The following ROBO1 variants were observed in gnomAD, a reference collection of about 807,000 sequenced individuals.
ROBO1 encodes roundabout homolog 1.
A neutral mutation model predicts 195.9 loss-of-function variants in ROBO1; 149 were observed. The observed-to-expected ratio is 0.76, with a 90% confidence interval of 0.67 to 0.87. The LOEUF (loss-of-function observed/expected upper bound fraction) is 0.87. ROBO1 is among the 40% of genes least tolerant of loss of function. The pLI is 0.00. For missense variants in ROBO1, 1,933 were observed against 2,068.3 expected (o/e 0.93, Z 1.27); for synonymous variants, 816 against 733.2 (o/e 1.11, Z -1.82).
At chr3:78,938,239 A>C in intron 4 of ROBO1, 1 of 237,748 alleles carries the variant, frequency 4.2e-6, no homozygotes. Context: ...GGCTCAAGCA[A>C]TTCTCTTGCC....
chr3:78,646,247 G>A (rs1478945429), intron 20 of ROBO1, 57 bp from the exon 21 acceptor site: 2 of 1,474,922 alleles, frequency 1.4e-6, no homozygotes, highest in African/African-American at 2.8e-5. Context: ...TATATCAAAA[G>A]CTATTACATT....
At chr3:78,944,114 G>A (rs572865281) in intron 3 of ROBO1, among the ~76,000 whole-genome samples, 1 of 152,292 alleles carries the variant, frequency 6.6e-6, no homozygotes, top group African/African-American at 2.4e-5. Flanking sequence ...TTATATCTGT[G>A]TCCATATGGG....
At position 78,756,884 on chromosome 3, in the gene ROBO1, AT is replaced by A. The variant is rs947673616; in HGVS notation, c.500-9985del. Among the ~76,000 whole-genome samples the A allele has an allele frequency of 6.6e-4, 100 of 151,922 alleles. 2 individuals are homozygous for A. Among genetic ancestry groups the A allele is most frequent in the Non-Finnish European group, 1.8e-4 (12 of 67,964 alleles). On this transcript the variant is annotated intron_variant, in intron 4 of 30. Transcript: ENST00000464233. ...GCTCATATAGAATCATAACTTTTTT[AT>A]TTTTTATTTTATTTTTTTGAGATAG...
At chr3:79,474,243 C>G (rs1938433285) in intron 2 of ROBO1, among the ~76,000 whole-genome samples, 1 of 152,064 alleles carries the variant, frequency 6.6e-6, no homozygotes, top group African/African-American at 2.4e-5. Flanking sequence ...CGCTCATGTG[C>G]TAAGTGAATC....
intron 5 of ROBO1, among the ~76,000 whole-genome samples, chr3:78,723,635 G>A (rs1395075522): frequency 6.6e-6 from 1 of 152,016 alleles, no homozygotes; most frequent in Non-Finnish European, 1.5e-5. Flanking sequence ...GACATATTTT[G>A]TTGTCAGAAC....
At chr3:79,471,764 G>A (rs1312846036) in intron 2 of ROBO1, among the ~76,000 whole-genome samples, 2 of 152,020 alleles carry the variant, frequency 1.3e-5, no homozygotes, top group African/African-American at 2.4e-5. Flanking sequence ...CATAAAAAAG[G>A]ATGAGTTCAT....
At chr3:79,542,768 T>G (rs1942122032) in intron 2 of ROBO1, among the ~76,000 whole-genome samples, 1 of 152,076 alleles carries the variant, frequency 6.6e-6, no homozygotes, top group Non-Finnish European at 1.5e-5. Context: ...TACAGGTTGA[T>G]CTACTGAATT....
chr3:78,849,390 T>C (rs573699901), intron 4 of ROBO1, among the ~76,000 whole-genome samples: 20 of 152,242 alleles, frequency 1.3e-4, no homozygotes, highest in African/African-American at 3.4e-4. Context: ...TATCATGTTA[T>C]AACTACATAT....
At chr3:79,189,039 C>T (rs2081492159) in intron 2 of ROBO1, among the ~76,000 whole-genome samples, 2 of 151,722 alleles carry the variant, frequency 1.3e-5, no homozygotes, top group Admixed American at 1.3e-4. Flanking sequence ...GCATTGTGAT[C>T]TTGAATTTCC....
chr3:79,639,892 T>C (rs541664324), intron 1 of ROBO1, among the ~76,000 whole-genome samples: 1 of 152,202 alleles, frequency 6.6e-6, no homozygotes, highest in Non-Finnish European at 1.5e-5. Flanking sequence ...ACCCATAGTT[T>C]CAGATGTTTC....
intron 2 of ROBO1, among the ~76,000 whole-genome samples, chr3:79,434,757 T>C (rs934062192): frequency 7.9e-5 from 12 of 152,132 alleles, no homozygotes; most frequent in South Asian, 2.1e-4. Context: ...TAAAGACACA[T>C]GCACACGTAT....
At chr3:78,946,978 T>C (rs9829918) in intron 3 of ROBO1, among the ~76,000 whole-genome samples, 16,164 of 151,996 alleles carry the variant, frequency 0.11, 2,097 homozygotes, top group African/African-American at 0.32. Flanking sequence ...GCTAACTATC[T>C]TAAATATATA....
At chr3:79,237,690 A>AT (rs2082437908) in intron 2 of ROBO1, among the ~76,000 whole-genome samples, 1 of 152,060 alleles carries the variant, frequency 6.6e-6, no homozygotes, top group African/African-American at 2.4e-5. Flanking sequence ...TTTTTGTCAA[A>AT]TGTTATTTGC....
At chr3:79,646,676 G>C (rs765296244) in intron 1 of ROBO1, among the ~76,000 whole-genome samples, 4 of 151,910 alleles carry the variant, frequency 2.6e-5, no homozygotes, top group Non-Finnish European at 5.9e-5. Flanking sequence ...ATCAATGGAT[G>C]AATAGATAAA....
At chr3:78,703,218 C>T (rs539199254) in intron 8 of ROBO1, among the ~76,000 whole-genome samples, 136 of 151,996 alleles carry the variant, frequency 8.9e-4, no homozygotes, top group Non-Finnish European at 1.5e-3. Context: ...CAAAACAAAA[C>T]AGCCAAGAAT....
intron 2 of ROBO1, among the ~76,000 whole-genome samples, chr3:79,289,175 TCTTC>T (rs1228486560): frequency 6.6e-6 from 1 of 152,076 alleles, no homozygotes; most frequent in East Asian, 1.9e-4. Context: ...TTAAAAACAT[TCTTC>T]CTTATTAAAA....
At chr3:78,662,680 G>T (rs917485638) in intron 14 of ROBO1, among the ~76,000 whole-genome samples, 1 of 152,136 alleles carries the variant, frequency 6.6e-6, no homozygotes, top group African/African-American at 2.4e-5. Context: ...TGATACAGAT[G>T]CCAGCAAGGA....
At chr3:79,766,405 G>A (rs1704992441) in intron 1 of ROBO1, among the ~76,000 whole-genome samples, 1 of 151,602 alleles carries the variant, frequency 6.6e-6, no homozygotes, top group South Asian at 2.1e-4. Context: ...AGGCAGGAGT[G>A]GGATGTCTTA....
chr3:79,136,367 T>C (rs1325565026), intron 2 of ROBO1, among the ~76,000 whole-genome samples: 1 of 152,224 alleles, frequency 6.6e-6, no homozygotes, highest in East Asian at 1.9e-4. Context: ...TTGCCCTACT[T>C]ACTATAAAGT....
Sources: gnomAD v4.1 joint callset for allele counts (sites outside exome capture counted in the v4.1 genomes callset) on GRCh38, gnomAD v4.1.1 for gene constraint, MANE v1.5 for transcripts, NCBI Gene and HGNC (gene_info 2026-07-23, HGNC 2026-07-21) for gene names.